The following COPG2 variants were observed in gnomAD, a reference collection of about 807,000 sequenced individuals.
The protein encoded by COPG2 is coat protein complex I subunit gamma 2.
COPG2 carries 37 observed loss-of-function variants against 46.3 expected under a neutral mutation model. The ratio of observed to expected loss-of-function variants is 0.80; its 90% CI spans 0.61 to 1.05. The LOEUF is 1.05. Ranked by LOEUF, COPG2 falls within the 50% of genes least tolerant of loss-of-function variation. The pLI is 0.00. For missense variants in COPG2, 427 were observed against 387.8 expected (o/e 1.10, Z -0.85); for synonymous variants, 159 against 129.7 (o/e 1.23, Z -1.53).
chr7:130,653,086 T>A (rs1056576163), intron 4 of COPG2, 138 bp from the exon 5 acceptor site: 7 of 576,156 alleles, frequency 1.2e-5, no homozygotes, highest in South Asian at 4.7e-5. Flanking sequence ...AAAAAAAAAA[T>A]TAATATCTGG....
intron 20 of COPG2, among the ~76,000 whole-genome samples, chr7:130,515,285 C>T (rs1228515648): frequency 2.6e-5 from 4 of 151,998 alleles, no homozygotes; most frequent in African/African-American, 7.3e-5. Context: ...ACAATCATGG[C>T]GGCAGGTGAA....
intron 13 of COPG2, 43 bp from the exon 14 acceptor site, chr7:130,554,767 CA>C (rs1191064471): frequency 2.0e-5 from 8 of 398,414 alleles, no homozygotes; most frequent in Non-Finnish European, 3.5e-5. Context: ...TCTAGGGACA[CA>C]TTTTGGAGAA....
chr7:130,624,249 G>A (rs913755571), intron 5 of COPG2, among the ~76,000 whole-genome samples: 1 of 152,058 alleles, frequency 6.6e-6, no homozygotes, highest in Non-Finnish European at 1.5e-5. Context: ...TACTTGGGGG[G>A]ACACAAACAT....
intron 20 of COPG2, among the ~76,000 whole-genome samples, chr7:130,512,326 A>C (rs1413635471): frequency 6.6e-6 from 1 of 151,980 alleles, no homozygotes; most frequent in Non-Finnish European, 1.5e-5. Flanking sequence ...AAAAAAAACA[A>C]AAAACAACAA....
chr7:130,507,027 G>A (rs1799506068), intron 23 of COPG2, among the ~76,000 whole-genome samples: 1 of 152,128 alleles, frequency 6.6e-6, no homozygotes, highest in African/African-American at 2.4e-5. Context: ...TACCAATTTG[G>A]AGTACTCAAA....
intron 20 of COPG2, among the ~76,000 whole-genome samples, chr7:130,543,572 A>G (rs1793378913): frequency 6.6e-6 from 1 of 152,208 alleles, no homozygotes; most frequent in Non-Finnish European, 1.5e-5. Context: ...GGATGCAGGT[A>G]AGTATGTTGG....
chr7:130,561,012 T>C (rs1793710364), intron 12 of COPG2, 21 bp downstream of exon 12: 2 of 398,442 alleles, frequency 5.0e-6, no homozygotes, highest in Non-Finnish European at 8.8e-6. Context: ...GGAGAAAATA[T>C]GATCATGTTT....
At chr7:130,527,674 C>G (rs1799786591) in intron 20 of COPG2, among the ~76,000 whole-genome samples, 1 of 152,122 alleles carries the variant, frequency 6.6e-6, no homozygotes, top group Admixed American at 6.5e-5. Context: ...GGGTGAGAAT[C>G]ACTGGTGGAC....
At chr7:130,518,857 T>C (rs1584961732) in intron 20 of COPG2, among the ~76,000 whole-genome samples, 1 of 151,740 alleles carries the variant, frequency 6.6e-6, no homozygotes, top group African/African-American at 2.4e-5. Context: ...TACAAAAAAA[T>C]TAGCTGGGAG....
At chr7:130,552,681 A>T (rs1793551033) in intron 14 of COPG2, among the ~76,000 whole-genome samples, 2 of 152,182 alleles carry the variant, frequency 1.3e-5, no homozygotes, top group Non-Finnish European at 2.9e-5. Flanking sequence ...TTTCTGTAGG[A>T]GCTATATCTC....
At chr7:130,573,722 G>A (rs1261293928) in intron 9 of COPG2, among the ~76,000 whole-genome samples, 1 of 152,024 alleles carries the variant, frequency 6.6e-6, no homozygotes, top group Non-Finnish European at 1.5e-5. Context: ...ACCCATGCGT[G>A]ATTTTTAAAA....
intron 5 of COPG2, among the ~76,000 whole-genome samples, chr7:130,638,581 C>T (rs1380434905): frequency 6.6e-6 from 1 of 152,138 alleles, no homozygotes; most frequent in African/African-American, 2.4e-5. Context: ...TCCCCCCACA[C>T]CAAGCTCAAG....
intron 10 of COPG2, among the ~76,000 whole-genome samples, 158 bp from the exon 11 acceptor site, chr7:130,563,494 A>G (rs1793750937): frequency 6.6e-6 from 1 of 152,104 alleles, no homozygotes; most frequent in East Asian, 1.9e-4. Context: ...AATATTCCTT[A>G]TCTCATCATA....
intron 9 of COPG2, among the ~76,000 whole-genome samples, chr7:130,567,217 G>C (rs1262085315): frequency 1.3e-5 from 2 of 152,184 alleles, no homozygotes; most frequent in Non-Finnish European, 2.9e-5. Context: ...ACAAAGAAGG[G>C]AACAATAGGC....
At chr7:130,642,411 T>C (rs1218359356) in intron 5 of COPG2, among the ~76,000 whole-genome samples, 1 of 152,204 alleles carries the variant, frequency 6.6e-6, no homozygotes, top group Non-Finnish European at 1.5e-5. Context: ...TTCCAATCAA[T>C]TTCCTCTAAC....
chr7:130,541,894 G>A (rs1793334011), intron 20 of COPG2, among the ~76,000 whole-genome samples: 2 of 136,940 alleles, frequency 1.5e-5, no homozygotes, highest in East Asian at 2.0e-4. Flanking sequence ...CTGAGAGAAC[G>A]CAGCATGGTG....
chr7:130,666,175 GC>G (rs1284513812), intron 3 of COPG2, among the ~76,000 whole-genome samples: 3 of 152,188 alleles, frequency 2.0e-5, no homozygotes, highest in African/African-American at 7.2e-5. Context: ...GAATTATTCT[GC>G]TAGTAATGGT....
At chr7:130,579,955 G>GGATACC (rs1359007645) in intron 9 of COPG2, among the ~76,000 whole-genome samples, 1 of 151,224 alleles carries the variant, frequency 6.6e-6, no homozygotes, top group East Asian at 2.0e-4. Context: ...AAGTCAACAA[G>GGATACC]GATACCCAGG....
chr7:130,606,457 C>T (rs552089701), intron 9 of COPG2, among the ~76,000 whole-genome samples: 1 of 152,206 alleles, frequency 6.6e-6, no homozygotes, highest in African/African-American at 2.4e-5. Flanking sequence ...GTAGTGAGGG[C>T]TCAGAAGGAA....
Sources: allele counts gnomAD v4.1 joint callset (sites outside exome capture counted in the v4.1 genomes callset), GRCh38; gene constraint gnomAD v4.1.1; transcripts MANE v1.5; gene names NCBI Gene and HGNC (gene_info 2026-07-23, HGNC 2026-07-21).